The following DPH6 variants were observed in gnomAD, a reference collection of about 807,000 sequenced individuals.
DPH6 encodes the protein diphthamine biosynthesis 6.
In DPH6, 33 loss-of-function variants were observed where a neutral mutation model predicts 38.2. That is an observed-to-expected ratio of 0.86 (90% CI 0.65 to 1.15). The LOEUF is 1.15. Among genes scored for constraint, DPH6 ranks in the 50% most tolerant of loss-of-function variants. The pLI is 0.00. For synonymous variants in DPH6, 108 were observed against 103.0 expected (o/e 1.05, Z -0.30); for missense variants, 325 against 320.0 (o/e 1.02, Z -0.12).
chr15:35,331,409 T>C (rs1042986956), intron 3 of DPH6, among the ~76,000 whole-genome samples: 2 of 152,188 alleles, frequency 1.3e-5, no homozygotes, highest in Non-Finnish European at 2.9e-5. Flanking sequence ...CCGAAACAGA[T>C]AAATCATGCT....
intron 5 of DPH6, among the ~76,000 whole-genome samples, chr15:35,418,214 C>G (rs1167177925): frequency 6.6e-6 from 1 of 151,982 alleles, no homozygotes; most frequent in African/African-American, 2.4e-5. Flanking sequence ...ATATATCTCC[C>G]TACAAAAACC....
intron 6 of DPH6, chr15:35,396,175 T>C (rs551684236): frequency 6.0e-4 from 92 of 152,336 alleles, no homozygotes; most frequent in African/African-American, 2.2e-3. Flanking sequence ...TGAATCCTCC[T>C]CCAGTCTTCA....
chr15:35,465,792 G>T (rs578106231), intron 3 of DPH6, among the ~76,000 whole-genome samples: 1 of 152,186 alleles, frequency 6.6e-6, no homozygotes, highest in South Asian at 2.1e-4. Flanking sequence ...CTCCCATTGT[G>T]GGCTTTCATT....
At chr15:35,524,372 C>G (rs1308785880) in intron 3 of DPH6, among the ~76,000 whole-genome samples, 4 of 152,112 alleles carry the variant, frequency 2.6e-5, no homozygotes, top group African/African-American at 9.7e-5. Context: ...AGCTCTGAAA[C>G]AAGATCAGAC....
In DPH6 at chr15:35,410,777, C is replaced by G. The variant is rs754007120; in HGVS notation, c.567+58G>C. Reference sequence around the variant, plus strand: ...AAATTTTTTAATCATTGTATCACAGCATTATTTTGTTTTCTCCTTTAGATG... The same window carrying G: ...AAATTTTTTAATCATTGTATCACAGGATTATTTTGTTTTCTCCTTTAGATG... On this transcript the variant is annotated intron_variant, in intron 6 of 8. Transcript: ENST00000256538. 61 of 1,365,422 alleles carry G rather than the reference C, an allele frequency of 4.5e-5. 1 individual carries two copies. Among genetic ancestry groups the G allele is most frequent in the Non-Finnish European group, 6.0e-5 (60 of 1,005,138 alleles). 84.6% of individuals were successfully genotyped at this position (1,365,422 alleles called of 1,614,324 possible).
At chr15:35,301,952 C>A (rs1004609268) in intron 3 of DPH6, among the ~76,000 whole-genome samples, 1 of 151,788 alleles carries the variant, frequency 6.6e-6, no homozygotes, top group Non-Finnish European at 1.5e-5. Flanking sequence ...CGAGCCTGGG[C>A]GGCAGAGTGA....
intron 1 of DPH6, among the ~76,000 whole-genome samples, chr15:35,544,976 C>T (rs955176304): frequency 6.6e-6 from 1 of 152,134 alleles, no homozygotes; most frequent in Non-Finnish European, 1.5e-5. Flanking sequence ...TACTGAACAA[C>T]AATAATTATT....
chr15:35,486,986 G>T (rs572242874), intron 3 of DPH6, among the ~76,000 whole-genome samples: 1 of 152,278 alleles, frequency 6.6e-6, no homozygotes, highest in African/African-American at 2.4e-5. Flanking sequence ...TCTGAAACCC[G>T]GCAGGGCAGC....
At chr15:35,147,191 T>G in the DPH6 span, among the ~76,000 whole-genome samples, 2 of 152,160 alleles carry the variant, frequency 1.3e-5, no homozygotes. Flanking sequence ...TTATTCCTGT[T>G]TAACAGATGA....
chr15:35,246,428 T>G (rs528389074), intron 3 of DPH6, among the ~76,000 whole-genome samples: 1 of 152,198 alleles, frequency 6.6e-6, no homozygotes, highest in African/African-American at 2.4e-5. Context: ...ATAATTTGGA[T>G]ATTTAGTTAG....
intron 5 of DPH6, among the ~76,000 whole-genome samples, chr15:35,421,518 G>T (rs1211705324): frequency 6.6e-6 from 1 of 152,080 alleles, no homozygotes; most frequent in African/African-American, 2.4e-5. Context: ...AAGTTTTTGG[G>T]GTGTACAGAA....
rs537435098 is a variant in DPH6, at chr15:35,293,348, C to T, written n.201-72766G>A. 2.0e-5 allele frequency among the ~76,000 whole-genome samples: 3 copies of T among 152,248 alleles called. No individual in the cohort carries two copies. The East Asian group carries it at 5.8e-4, about 29-fold the overall frequency. On this transcript the variant is annotated intron_variant and non_coding_transcript_variant, in intron 3 of 3. Transcript: ENST00000560386. ...AATGGACCTAAACCGGAACTATTTT[C>T]TTTAAAAAAATAGGCTTATCTCCTT...
At chr15:35,503,468 A>G (rs2054653531) in intron 3 of DPH6, among the ~76,000 whole-genome samples, 1 of 152,066 alleles carries the variant, frequency 6.6e-6, no homozygotes, top group Non-Finnish European at 1.5e-5. Context: ...ACCTCCAAAC[A>G]TATGAGGCAA....
chr15:35,165,536 A>C, the DPH6 span, among the ~76,000 whole-genome samples: 946 of 152,020 alleles, frequency 6.2e-3, 13 homozygotes, highest in African/African-American at 0.022. Flanking sequence ...GTTCTACATA[A>C]TTAATTTCAG....
At chr15:35,283,210 CTCTTCCTCTTCTTTCTTCTT>C (rs1460506342) in intron 3 of DPH6, among the ~76,000 whole-genome samples, 1 of 144,620 alleles carries the variant, frequency 6.9e-6, no homozygotes, top group African/African-American at 2.6e-5. Context: ...TTCTTTCTTC[CTCTTCCTCTTCTTTCTTCTT>C]TCTTCCTCTT....
the DPH6 span, among the ~76,000 whole-genome samples, chr15:35,203,419 C>G: frequency 6.6e-6 from 1 of 151,590 alleles, no homozygotes; most frequent in Non-Finnish European, 1.5e-5. Context: ...TGCCACTATT[C>G]CCCATTTGAC....
At chr15:35,252,364 A>G (rs2140410407) in intron 3 of DPH6, among the ~76,000 whole-genome samples, 1 of 152,328 alleles carries the variant, frequency 6.6e-6, no homozygotes, top group East Asian at 1.9e-4. Flanking sequence ...AAAGAAACAA[A>G]GATTTTGTGT....
At chr15:35,265,842 T>A (rs950035419) in intron 3 of DPH6, among the ~76,000 whole-genome samples, 13 of 152,244 alleles carry the variant, frequency 8.5e-5, no homozygotes, top group Non-Finnish European at 1.5e-5. Flanking sequence ...ATGATAGTCA[T>A]GGCGTAGCAG....
chr15:35,246,333 A>G (rs1056078537), intron 3 of DPH6, among the ~76,000 whole-genome samples: 2 of 152,196 alleles, frequency 1.3e-5, no homozygotes, highest in Non-Finnish European at 2.9e-5. Flanking sequence ...CTTGTTGAGC[A>G]CTTAATTGTC....
Sources: allele counts gnomAD v4.1 joint callset (sites outside exome capture counted in the v4.1 genomes callset), GRCh38; gene constraint gnomAD v4.1.1; transcripts MANE v1.5; gene names NCBI Gene and HGNC (gene_info 2026-07-23, HGNC 2026-07-21).